Variants in ALOX5 observed in about 807,000 individuals in gnomAD.
ALOX5 encodes arachidonate 5-lipoxygenase.
Under a neutral mutation model 87.9 loss-of-function variants are expected in ALOX5, and 64 were observed. That is an observed-to-expected ratio of 0.73 (90% CI 0.60 to 0.90). ALOX5 has a LOEUF of 0.90. Ranked by LOEUF, ALOX5 falls within the 40% of genes least tolerant of loss-of-function variation. ALOX5 has a pLI of 0.00. For synonymous variants in ALOX5, 388 were observed against 355.1 expected (o/e 1.09, Z -1.04); for missense variants, 822 against 907.5 (o/e 0.91, Z 1.21).
chr10:45,374,357 C>G lies in ALOX5; in HGVS notation c.78C>G (p.Leu26=). ...CTGACGACTACATCTACCTCAGCCT[C>G]GTGGGCTCGGCGGGCTGCAGCGAGA... ...AGTDDYIYLS[L]VGSAGCSEKH... Residue 26 remains leucine, a synonymous_variant, in exon 1 of 14, where the codon CTC becomes CTG. Coordinates refer to ENST00000374391, the MANE Select transcript of ALOX5 (RefSeq NM_000698.5). 3.2e-6 allele frequency: 5 copies of G among 1,548,242 alleles called. No homozygotes were observed. The highest frequency in any genetic ancestry group is 4.3e-6 in the Non-Finnish European group (5 of 1,149,864).
chr10:45,428,763 A>G lies in ALOX5; in HGVS notation c.980A>G (p.Gln327Arg). The change falls in exon 7 of 14, where the codon CAG (glutamine) becomes CGG (arginine). Residue 327 changes from glutamine to arginine, a missense_variant and splice_region_variant. Physicochemically the swap from Gln to Arg is conservative, Grantham distance 43. Coordinates refer to ENST00000374391, the MANE Select transcript of ALOX5 (RefSeq NM_000698.5). The stretch of plus-strand genomic sequence containing the variant: ...AACAAGATTGTCCCCATTGCCATCC[A>G]GGTAGGCTGCTGGGGGGCACACCTT... ...LANKIVPIAI[Q>R]LNQIPGDENP... 1 of 1,613,734 alleles carries G rather than the reference A, an allele frequency of 6.2e-7. No individual in the cohort carries two copies. Among genetic ancestry groups the G allele is most frequent in the Non-Finnish European group, 8.5e-7 (1 of 1,179,976 alleles).
intron 3 of ALOX5, among the ~76,000 whole-genome samples, chr10:45,407,275 C>G (rs148907171): frequency 6.6e-6 from 1 of 152,198 alleles, no homozygotes; most frequent in African/African-American, 2.4e-5. Context: ...CTCCCTCCCC[C>G]ACTTTCTTCC....
intron 3 of ALOX5, among the ~76,000 whole-genome samples, chr10:45,397,911 C>T (rs987607250): frequency 3.9e-5 from 6 of 152,066 alleles, no homozygotes; most frequent in African/African-American, 1.4e-4. Flanking sequence ...AATGGCAATA[C>T]CCCACAAATT....
chr10:45,445,510 G>A lies in ALOX5; in HGVS notation c.1848G>A (p.Leu616=). The A allele has an allele frequency of 6.2e-7, 1 of 1,612,932 alleles. No homozygotes were observed. The highest frequency in any genetic ancestry group is 8.5e-7 in the Non-Finnish European group (1 of 1,178,978). The stretch of plus-strand genomic sequence containing the variant: ...TGTGTCCATGTCTGGGCCCTCAGCT[G>A]TTCCTGGGCATGTACCCAGAAGAGC... The part of the protein sequence containing the change: ...WALSQFQENE[L]FLGMYPEEHF... Residue 616 remains leucine, a splice_region_variant and synonymous_variant, in exon 14 of 14, where the codon CTG becomes CTA. Transcript: ENST00000374391.
At chr10:45,383,725 A>G (rs1005538397) in intron 2 of ALOX5, among the ~76,000 whole-genome samples, 1 of 152,186 alleles carries the variant, frequency 6.6e-6, no homozygotes, top group Non-Finnish European at 1.5e-5. Flanking sequence ...GCCACATCCC[A>G]TCGTTTCTGA....
At chr10:45,444,373 A>G (rs2132868134) in intron 13 of ALOX5, 87 bp downstream of exon 13, 2 of 1,444,908 alleles carry the variant, frequency 1.4e-6, no homozygotes, top group South Asian at 1.4e-5. Context: ...TCGGGCCCCA[A>G]GGCTCACTTG....
chr10:45,419,296 G>GA (rs1841415655), intron 4 of ALOX5, among the ~76,000 whole-genome samples: 1 of 151,302 alleles, frequency 6.6e-6, no homozygotes, highest in Non-Finnish European at 1.5e-5. Flanking sequence ...AGAAAGCGGG[G>GA]CACCCGGCCG....
intron 9 of ALOX5, 31 bp downstream of exon 9, chr10:45,441,461 G>T: frequency 6.2e-7 from 1 of 1,603,122 alleles, no homozygotes; most frequent in Non-Finnish European, 8.5e-7. Flanking sequence ...CTTGTTGCCT[G>T]GAAGAGCCCA....
At chr10:45,426,352 T>C (rs894148945) in intron 6 of ALOX5, among the ~76,000 whole-genome samples, 8 of 152,210 alleles carry the variant, frequency 5.3e-5, no homozygotes, top group African/African-American at 1.9e-4. Flanking sequence ...GGGTTATGAG[T>C]CACCTTTCCT....
intron 2 of ALOX5, among the ~76,000 whole-genome samples, chr10:45,391,428 G>T (rs1446348469): frequency 5.3e-5 from 8 of 152,170 alleles, no homozygotes; most frequent in African/African-American, 1.9e-4. Flanking sequence ...GCAGTGGCGT[G>T]ATCTCGGCTC....
intron 11 of ALOX5, 87 bp from the exon 12 acceptor site, chr10:45,443,641 T>TGGGGCAG: frequency 6.3e-7 from 1 of 1,593,498 alleles, no homozygotes; most frequent in South Asian, 1.1e-5. Context: ...CCTCCGGCCT[T>TGGGGCAG]GGGGCAGGGA....
At chr10:45,395,820 C>T in intron 2 of ALOX5, 35 bp from the exon 3 acceptor site, 2 of 1,594,510 alleles carry the variant, frequency 1.3e-6, no homozygotes, top group Non-Finnish European at 1.7e-6. Context: ...TATTGTTCTT[C>T]CTCAGGCTCC....
chr10:45,433,143 G>C (rs966288113), intron 7 of ALOX5, among the ~76,000 whole-genome samples: 2 of 152,204 alleles, frequency 1.3e-5, no homozygotes, highest in Non-Finnish European at 2.9e-5. Flanking sequence ...AAAACAAAGG[G>C]GTAACTCCCA....
At chr10:45,415,283 C>T (rs367590015) in intron 4 of ALOX5, among the ~76,000 whole-genome samples, 12 of 152,142 alleles carry the variant, frequency 7.9e-5, no homozygotes, top group Non-Finnish European at 1.5e-4. Context: ...ATGTCCTTTG[C>T]AGGGACATGG....
intron 7 of ALOX5, among the ~76,000 whole-genome samples, chr10:45,434,833 C>T (rs72796481): frequency 0.016 from 2,402 of 152,308 alleles, 28 homozygotes; most frequent in Non-Finnish European, 0.026. Flanking sequence ...AATGTGCACA[C>T]ATGCAAAGAC....
chr10:45,403,592 T>C (rs1015110576), intron 3 of ALOX5, among the ~76,000 whole-genome samples: 3 of 152,240 alleles, frequency 2.0e-5, no homozygotes, highest in African/African-American at 7.2e-5. Context: ...TGTGTGCATA[T>C]ATACATATCC....
At chr10:45,392,865 A>C (rs183491716) in intron 2 of ALOX5, among the ~76,000 whole-genome samples, 1 of 152,328 alleles carries the variant, frequency 6.6e-6, no homozygotes, top group East Asian at 1.9e-4. Flanking sequence ...AAAATGGATA[A>C]ATTCCTCGAC....
In ALOX5 at chr10:45,443,019, A is replaced by C; in HGVS notation, c.1273-19A>C. 3 of 1,604,944 alleles carry C rather than the reference A, an allele frequency of 1.9e-6. No homozygotes were observed. Among genetic ancestry groups the C allele is most frequent in the Non-Finnish European group, 2.6e-6 (3 of 1,175,546 alleles). On this transcript the variant is annotated intron_variant, in intron 9 of 13. Transcript: ENST00000374391. ...GTGGGAGGAGCCACCCGCTCAGGGC[A>C]CTCTACCTCCCACTCCAGGCCAACG... is the stretch of plus-strand genomic sequence containing the variant.
At chr10:45,374,513 G>C in intron 1 of ALOX5, 84 bp downstream of exon 1, 1 of 1,294,386 alleles carries the variant, frequency 7.7e-7, no homozygotes, top group Non-Finnish European at 1.0e-6. Flanking sequence ...GGGCGGGGGC[G>C]CCGAGGGCCC....
Sources: allele counts gnomAD v4.1 joint callset (sites outside exome capture counted in the v4.1 genomes callset), GRCh38; gene constraint gnomAD v4.1.1; transcripts MANE v1.5; gene names NCBI Gene and HGNC (gene_info 2026-07-23, HGNC 2026-07-21).